The following CADM2 variants were observed in gnomAD, a reference collection of about 807,000 sequenced individuals.
CADM2 encodes immunoglobulin superfamily member 4D.
Under a neutral mutation model 49.8 loss-of-function variants are expected in CADM2, and 12 were observed. That is an observed-to-expected ratio of 0.24 (90% CI 0.15 to 0.39). The LOEUF (loss-of-function observed/expected upper bound fraction) is 0.39, where lower values mean the gene tolerates loss of function less well. CADM2 is among the 10% of genes least tolerant of loss of function. CADM2 has a pLI of 1.00. For synonymous variants in CADM2, 214 were observed against 175.4 expected, an observed-to-expected ratio of 1.22 and a Z score of -1.74; for missense variants, 378 against 492.3, an observed-to-expected ratio of 0.77 and a Z score of 2.20.
At chr3:86,034,428 G>A (rs1734920607) in intron 8 of CADM2, among the ~76,000 whole-genome samples, 1 of 151,978 alleles carries the variant, frequency 6.6e-6, no homozygotes, top group African/African-American at 2.4e-5. Context: ...TGAGGATACA[G>A]TGAAAAAAGT....
chr3:85,369,459 C>G (rs558781372), intron 1 of CADM2, among the ~76,000 whole-genome samples: 1 of 152,084 alleles, frequency 6.6e-6, no homozygotes, highest in East Asian at 1.9e-4. Context: ...ATGGCGAAAC[C>G]CCATCTCTAC....
chr3:85,811,971 T>A (rs954998435), intron 3 of CADM2, among the ~76,000 whole-genome samples: 11 of 151,992 alleles, frequency 7.2e-5, no homozygotes, highest in African/African-American at 2.2e-4. Flanking sequence ...TAAGCATATT[T>A]GATAGTTGAA....
intron 2 of CADM2, among the ~76,000 whole-genome samples, chr3:85,731,473 A>G (rs1010897706): frequency 1.9e-4 from 29 of 152,176 alleles, no homozygotes; most frequent in Non-Finnish European, 2.9e-4. Context: ...AGGGAATGGA[A>G]CACAGTGAGC....
intron 1 of CADM2, among the ~76,000 whole-genome samples, chr3:84,985,333 T>C (rs1307705230): frequency 6.6e-6 from 1 of 152,160 alleles, no homozygotes; most frequent in Admixed American, 6.5e-5. Flanking sequence ...ATCAGACTTA[T>C]GAATTATCAA....
chr3:85,465,449 G>T (rs1173685336), intron 1 of CADM2, among the ~76,000 whole-genome samples: 4 of 152,004 alleles, frequency 2.6e-5, no homozygotes, highest in South Asian at 2.1e-4. Flanking sequence ...CACATATTAT[G>T]TATAAGTATA....
At chr3:85,787,211 A>T (rs2071043738) in intron 2 of CADM2, among the ~76,000 whole-genome samples, 1 of 152,112 alleles carries the variant, frequency 6.6e-6, no homozygotes, top group Admixed American at 6.6e-5. Context: ...AAGAGTGAGG[A>T]GGATGTGAGC....
chr3:85,678,604 A>T (rs964501211), intron 1 of CADM2, among the ~76,000 whole-genome samples: 1 of 152,198 alleles, frequency 6.6e-6, no homozygotes, highest in Non-Finnish European at 1.5e-5. Flanking sequence ...CATTTCTGTT[A>T]TATAGCCTGA....
At position 85,912,471 on chromosome 3, in the gene CADM2, G is replaced by A. The variant is rs1717745917; in HGVS notation, c.628G>A (p.Val210Ile). Residue 210 changes from valine (V) to isoleucine (I), a missense_variant, in exon 6 of 10, where the codon GTC (valine) becomes ATC (isoleucine). Coordinates refer to ENST00000383699, the MANE Select transcript of CADM2 (RefSeq NM_001167675.2). ...GGACCGGAGTGATGATGGAGTGGCG[G>A]TCATCTGCAGAGTAGATCACGAATC... ...RVDRSDDGVA[V>I]ICRVDHESLN... is the part of the protein sequence containing the mutation. 1 of 1,614,084 alleles carries A rather than the reference G, an allele frequency of 6.2e-7. No homozygotes were observed. Among genetic ancestry groups the A allele is most frequent in the East Asian group, 2.2e-5 (1 of 44,864 alleles).
chr3:85,459,605 A>C (rs756803378), intron 1 of CADM2, among the ~76,000 whole-genome samples: 10 of 151,300 alleles, frequency 6.6e-5, no homozygotes, highest in Non-Finnish European at 1.5e-4. Context: ...ACTATATTTA[A>C]GACTATTAGA....
At chr3:85,504,222 G>T (rs543644024) in intron 1 of CADM2, among the ~76,000 whole-genome samples, 237 of 152,042 alleles carry the variant, frequency 1.6e-3, no homozygotes, top group African/African-American at 5.4e-3. Context: ...GACCTTCGCG[G>T]TGAGTGTTAT....
At chr3:85,069,996 G>A (rs1036558702) in intron 1 of CADM2, among the ~76,000 whole-genome samples, 1 of 152,046 alleles carries the variant, frequency 6.6e-6, no homozygotes, top group Non-Finnish European at 1.5e-5. Context: ...CCTGATAACA[G>A]TATTCTAATG....
intron 2 of CADM2, among the ~76,000 whole-genome samples, chr3:85,793,505 T>C (rs1290667915): frequency 1.3e-5 from 2 of 152,162 alleles, no homozygotes; most frequent in African/African-American, 4.8e-5. Flanking sequence ...AGGTGTGCTG[T>C]AAATGTTTAC....
At chr3:85,382,084 A>G (rs954359074) in intron 1 of CADM2, among the ~76,000 whole-genome samples, 10 of 152,126 alleles carry the variant, frequency 6.6e-5, no homozygotes, top group Admixed American at 5.9e-4. Flanking sequence ...ACTATCAAAT[A>G]ATTATTGTAT....
chr3:85,048,666 C>T (rs779145901), intron 1 of CADM2, among the ~76,000 whole-genome samples: 7 of 151,996 alleles, frequency 4.6e-5, no homozygotes, highest in African/African-American at 9.7e-5. Context: ...GAGAACGTGG[C>T]GATCATTTAC....
chr3:85,236,266 T>A (rs1360838420), intron 1 of CADM2, among the ~76,000 whole-genome samples: 1 of 152,038 alleles, frequency 6.6e-6, no homozygotes, highest in Middle Eastern at 3.2e-3. Flanking sequence ...TGTATATATG[T>A]AGAATTATAT....
At chr3:85,925,991 A>G (rs1018030532) in intron 6 of CADM2, among the ~76,000 whole-genome samples, 1 of 151,370 alleles carries the variant, frequency 6.6e-6, no homozygotes, top group Non-Finnish European at 1.5e-5. Context: ...TAAAAAAATG[A>G]CCGGGCGTGG....
rs560923785 is a variant in CADM2, at chr3:84,992,212, C to T, written c.61+32544C>T. 2.0e-5 allele frequency among the ~76,000 whole-genome samples: 3 copies of T among 152,258 alleles called. No homozygotes were observed. The South Asian group carries it at 6.2e-4, about 32-fold the overall frequency. On this transcript the variant is annotated intron_variant, in intron 1 of 9. Transcript: ENST00000383699. Reference sequence around the variant, plus strand: ...GAGGTAAGGGGTAAATAGGAAATCTCTGTACCTTCAGCTCAATATTGCTGT... The same window carrying T: ...GAGGTAAGGGGTAAATAGGAAATCTTTGTACCTTCAGCTCAATATTGCTGT...
intron 1 of CADM2, among the ~76,000 whole-genome samples, chr3:85,375,781 C>G (rs890898368): frequency 1.3e-5 from 2 of 152,114 alleles, no homozygotes; most frequent in African/African-American, 2.4e-5. Flanking sequence ...AATTATTTCT[C>G]CAAATAATTA....
At chr3:85,540,132 A>ATG (rs1288037272) in intron 1 of CADM2, among the ~76,000 whole-genome samples, 23 of 152,118 alleles carry the variant, frequency 1.5e-4, no homozygotes, top group Non-Finnish European at 1.5e-5. Context: ...CATGTTATTC[A>ATG]TGTTATCATA....
Sources: gnomAD v4.1 joint callset for allele counts (sites outside exome capture counted in the v4.1 genomes callset) on GRCh38, gnomAD v4.1.1 for gene constraint, MANE v1.5 for transcripts, NCBI Gene and HGNC (gene_info 2026-07-23, HGNC 2026-07-21) for gene names.